The following FOXN3 variants were observed in gnomAD, a reference collection of about 807,000 sequenced individuals.
The protein encoded by FOXN3 is forkhead box protein N3.
FOXN3 carries 7 observed loss-of-function variants against 38.4 expected under a neutral mutation model. The ratio of observed to expected loss-of-function variants is 0.18; its 90% confidence interval spans 0.10 to 0.34. The LOEUF is 0.34. Among genes scored for constraint, FOXN3 ranks in the 10% least tolerant of loss-of-function variants. The pLI is 1.00. For missense variants in FOXN3, 456 were observed against 613.4 expected, an observed-to-expected ratio of 0.74 and a Z score of 2.71; for synonymous variants, 230 against 242.2, an observed-to-expected ratio of 0.95 and a Z score of 0.47.
intron 3 of FOXN3, among the ~76,000 whole-genome samples, chr14:89,288,068 AAT>A (rs869049120): frequency 2.2e-4 from 14 of 65,100 alleles, no homozygotes; most frequent in Admixed American, 2.4e-4. Context: ...CTCAAAAAAA[AAT>A]ATATATATAT....
chr14:89,403,657 A>AC (rs1891308295), intron 2 of FOXN3, among the ~76,000 whole-genome samples: 1 of 152,262 alleles, frequency 6.6e-6, no homozygotes, highest in Non-Finnish European at 1.5e-5. Context: ...TACAGGCAGT[A>AC]CATCGATGAA....
intron 4 of FOXN3, among the ~76,000 whole-genome samples, chr14:89,268,492 A>G (rs1311590382): frequency 6.6e-6 from 1 of 152,230 alleles, no homozygotes; most frequent in Non-Finnish European, 1.5e-5. Context: ...TCGACTGTAC[A>G]TAAGAAAAAC....
intron 4 of FOXN3, among the ~76,000 whole-genome samples, chr14:89,191,490 T>C (rs1238421730): frequency 1.3e-5 from 2 of 152,202 alleles, no homozygotes; most frequent in Non-Finnish European, 1.5e-5. Context: ...CCAAACCCAA[T>C]GACTAATGAT....
chr14:89,469,876 C>T (rs1893055711), intron 1 of FOXN3, among the ~76,000 whole-genome samples: 1 of 152,256 alleles, frequency 6.6e-6, no homozygotes, highest in African/African-American at 2.4e-5. Flanking sequence ...GCAACACAAA[C>T]AGAGGATCCT....
Position 89,493,719 on chromosome 14 carries a change from T to G in FOXN3, c.-14-81229A>C, listed in dbSNP as rs117399549. On this transcript the variant is annotated intron_variant, in intron 1 of 6. Transcript: ENST00000345097. ...CTGATCATTCTGATATAAAAGCAAT[T>G]TCTACAGTGATACATTCAAAGACCT... Among the ~76,000 whole-genome samples, 538 of 152,272 alleles carry G rather than the reference T, an allele frequency of 3.5e-3. 1 individual carries two copies. The highest frequency in any genetic ancestry group is 5.8e-3 in the Non-Finnish European group (397 of 68,024).
At chr14:89,237,761 G>A (rs1378253966) in intron 4 of FOXN3, among the ~76,000 whole-genome samples, 1 of 152,142 alleles carries the variant, frequency 6.6e-6, no homozygotes, top group Admixed American at 6.5e-5. Context: ...TAATAAAGTA[G>A]TACCTCAGCC....
chr14:89,586,222 G>A (rs978079078), intron 1 of FOXN3, among the ~76,000 whole-genome samples: 5 of 152,120 alleles, frequency 3.3e-5, no homozygotes, highest in African/African-American at 1.2e-4. Context: ...TGCATGGACA[G>A]GCTTCAAATC....
chr14:89,562,021 C>T (rs1251512544), intron 1 of FOXN3, among the ~76,000 whole-genome samples: 1 of 151,666 alleles, frequency 6.6e-6, no homozygotes, highest in African/African-American at 2.4e-5. Context: ...ATCTTTATAC[C>T]CACAGAGAAA....
intron 4 of FOXN3, among the ~76,000 whole-genome samples, chr14:89,193,395 AG>A (rs1300482745): frequency 6.6e-6 from 1 of 152,198 alleles, no homozygotes; most frequent in Non-Finnish European, 1.5e-5. Flanking sequence ...GAAAGAAAAC[AG>A]AAAGAGAGAA....
chr14:89,390,209 G>C (rs1378451433), intron 2 of FOXN3, among the ~76,000 whole-genome samples: 1 of 147,268 alleles, frequency 6.8e-6, no homozygotes, highest in African/African-American at 2.5e-5. Context: ...TAAAATGACA[G>C]AGTGAGACTC....
chr14:89,363,949 T>TATATATATATATATA (rs1889990494), intron 2 of FOXN3, among the ~76,000 whole-genome samples: 1 of 2,696 alleles, frequency 3.7e-4, no homozygotes, highest in African/African-American at 4.3e-4. Flanking sequence ...GTCTGTAAAA[T>TATATATATATATATA]ATATATATAT....
intron 4 of FOXN3, among the ~76,000 whole-genome samples, chr14:89,213,336 G>A (rs1309658461): frequency 6.6e-6 from 1 of 152,146 alleles, no homozygotes; most frequent in Non-Finnish European, 1.5e-5. Context: ...CCAAGACAGG[G>A]GCTCATTCTT....
chr14:89,534,504 C>G (rs900064626), intron 1 of FOXN3, among the ~76,000 whole-genome samples: 16 of 152,280 alleles, frequency 1.1e-4, no homozygotes, highest in Admixed American at 2.6e-4. Flanking sequence ...GTCTAACCAG[C>G]CTTAACCCAG....
chr14:89,606,582 G>A (rs935032868), intron 1 of FOXN3, among the ~76,000 whole-genome samples: 1 of 152,226 alleles, frequency 6.6e-6, no homozygotes, highest in Non-Finnish European at 1.5e-5. Flanking sequence ...GGGCGCAGTG[G>A]CTCATGCCTG....
At chr14:89,569,026 A>C (rs996020899) in intron 1 of FOXN3, among the ~76,000 whole-genome samples, 3 of 152,214 alleles carry the variant, frequency 2.0e-5, no homozygotes, top group Non-Finnish European at 4.4e-5. Context: ...AACACGGTGA[A>C]ACCCCATCTC....
At chr14:89,236,816 C>T (rs1484810008) in intron 4 of FOXN3, among the ~76,000 whole-genome samples, 2 of 152,202 alleles carry the variant, frequency 1.3e-5, no homozygotes, top group Non-Finnish European at 2.9e-5. Context: ...AGAAGTTCTA[C>T]CCTTTGATGA....
intron 1 of FOXN3, among the ~76,000 whole-genome samples, chr14:89,464,208 A>G (rs1344389691): frequency 6.6e-6 from 1 of 152,162 alleles, no homozygotes; most frequent in Non-Finnish European, 1.5e-5. Context: ...CGTCACGTAT[A>G]GGAGGGGCCA....
At chr14:89,200,714 A>T (rs17125517) in intron 4 of FOXN3, among the ~76,000 whole-genome samples, 3,458 of 152,304 alleles carry the variant, frequency 0.023, 70 homozygotes, top group Middle Eastern at 0.065. Context: ...TTGCCGTCAC[A>T]TTCCCGAATC....
chr14:89,385,499 T>TAAAAAAAAAAA lies in FOXN3; in HGVS notation c.543+26424_543+26434dup, dbSNP rs10681650. On this transcript the variant is annotated intron_variant, in intron 2 of 5. Coordinates refer to ENST00000557258, the MANE Select transcript of FOXN3 (RefSeq NM_005197.4). ...AATAACAAAAGCTGAGGCAAACATTTAAAAAAAAAAAAAAAAAAAAAAGGA... is the reference window on the plus strand; with the variant it reads ...AATAACAAAAGCTGAGGCAAACATTTAAAAAAAAAAAAAAAAAAAAAAAAAAAAAAAAAGGA... Among the ~76,000 whole-genome samples the TAAAAAAAAAAA allele has an allele frequency of 1.0e-4, 11 of 108,814 alleles. No homozygotes were observed. The South Asian group carries it at 1.5e-3, about 15-fold the overall frequency. 71.4% of individuals were successfully genotyped at this position (108,814 alleles called of 152,430 possible).
Sources: gnomAD v4.1 joint callset for allele counts (sites outside exome capture counted in the v4.1 genomes callset) on GRCh38, gnomAD v4.1.1 for gene constraint, MANE v1.5 for transcripts, NCBI Gene and HGNC (gene_info 2026-07-23, HGNC 2026-07-21) for gene names.